Variants in GRM3 observed in about 807,000 individuals in gnomAD.
GRM3 encodes the protein glutamate metabotropic receptor 3, also known as metabotropic glutamate receptor 3.
A neutral mutation model predicts 70.5 loss-of-function variants in GRM3; 26 were observed. The observed-to-expected ratio is 0.37, with a 90% CI of 0.27 to 0.51. The LOEUF (loss-of-function observed/expected upper bound fraction) is 0.51. Ranked by LOEUF, GRM3 falls within the 20% of genes least tolerant of loss-of-function variation. The pLI, the probability that GRM3 is intolerant of heterozygous loss-of-function variation, is 0.93. For synonymous variants in GRM3, 443 were observed against 434.9 expected (o/e 1.02, Z -0.23); for missense variants, 859 against 1,123.8 (o/e 0.76, Z 3.37).
intron 4 of GRM3, among the ~76,000 whole-genome samples, chr7:86,845,828 A>G (rs1240805723): frequency 6.6e-6 from 1 of 152,172 alleles, no homozygotes; most frequent in African/African-American, 2.4e-5. Flanking sequence ...AAATTATGAA[A>G]TAAGATCATC....
At chr7:86,787,609 C>G (rs1797292184) in intron 3 of GRM3, among the ~76,000 whole-genome samples, 1 of 152,052 alleles carries the variant, frequency 6.6e-6, no homozygotes, top group African/African-American at 2.4e-5. Context: ...TAATTAGGGG[C>G]AAAACAGAAA....
intron 3 of GRM3, among the ~76,000 whole-genome samples, chr7:86,810,980 G>C (rs1432481915): frequency 6.6e-6 from 1 of 151,716 alleles, no homozygotes; most frequent in Non-Finnish European, 1.5e-5. Flanking sequence ...TTCTTGACCT[G>C]GGGGACCATT....
chr7:86,785,685 ATTTTTTTT>A lies in GRM3; in HGVS notation c.469-550_469-543del, dbSNP rs749456155. On this transcript the variant is annotated intron_variant, in intron 2 of 5. Transcript: ENST00000361669. ...TTGGGTGGTGGACTAAATAGAATTG[ATTTTTTTT>A]TTTTTTTTTTTTTTTTTTTTTTTTT... Among the ~76,000 whole-genome samples, 139 of 65,216 alleles carry A rather than the reference ATTTTTTTT, an allele frequency of 2.1e-3. 4 individuals are homozygous for A. Among genetic ancestry groups the A allele is most frequent in the East Asian group, 3.9e-3 (6 of 1,532 alleles). 42.8% of individuals were successfully genotyped at this position (65,216 alleles called of 152,430 possible). A position where few individuals can be genotyped will look rare whatever the true frequency, so the allele number is the denominator to read the frequency against.
chr7:86,822,096 A>T (rs1386475315), intron 3 of GRM3, among the ~76,000 whole-genome samples: 1 of 152,172 alleles, frequency 6.6e-6, no homozygotes, highest in Non-Finnish European at 1.5e-5. Context: ...CAGTGGCACC[A>T]GATCTTTCTC....
At chr7:86,817,775 A>G (rs2116675632) in intron 3 of GRM3, among the ~76,000 whole-genome samples, 1 of 152,132 alleles carries the variant, frequency 6.6e-6, no homozygotes, top group East Asian at 1.9e-4. Context: ...GAAAGGTTTC[A>G]GCTCTGCCTT....
At chr7:86,775,208 G>A (rs1316964154) in intron 2 of GRM3, 1 of 151,992 alleles carries the variant, frequency 6.6e-6, no homozygotes, top group Non-Finnish European at 1.5e-5. Context: ...CTTTCCTAGA[G>A]ACCTTTCTCC....
Position 86,786,534 on chromosome 7 carries a change from G to A in GRM3, c.742G>A (p.Gly248Ser). The stretch of plus-strand genomic sequence containing the variant: ...CTGCATCGCTACGGCGGAGAAGGTG[G>A]GCCGCTCCAACATCCGCAAGTCCTA... ...NICIATAEKV[G>S]RSNIRKSYDS... Residue 248 changes from glycine (G) to serine (S), a missense_variant, in exon 3 of 6, where the codon GGC becomes AGC. By Grantham distance (56) the Gly-to-Ser change is moderately conservative. Transcript: ENST00000361669. The surrounding 1 kb of genome is among the most constrained non-coding windows in gnomAD (Gnocchi z 6.0). The A allele has an allele frequency of 1.9e-6, 3 of 1,614,072 alleles. No homozygotes were observed. The highest frequency in any genetic ancestry group is 2.5e-6 in the Non-Finnish European group (3 of 1,180,038).
chr7:86,731,103 G>C (rs918660445), intron 1 of GRM3, among the ~76,000 whole-genome samples: 1 of 147,056 alleles, frequency 6.8e-6, no homozygotes, highest in African/African-American at 2.7e-5. Context: ...CAATCATTAC[G>C]ACAAGCTTGA....
rs1412607706 is a variant in GRM3 at position 86,648,848 on chromosome 7, A to G, written c.-141+3976A>G. On this transcript the variant is annotated intron_variant, in intron 1 of 5. Transcript: ENST00000361669. Reference sequence around the variant, plus strand: ...AATATCTTGGTAGACTCACCATCCCACTCAATTGTTTCTCCAAGTTCCAGG... The same window carrying G: ...AATATCTTGGTAGACTCACCATCCCGCTCAATTGTTTCTCCAAGTTCCAGG... Among the ~76,000 whole-genome samples, 3 of 152,086 alleles carry G rather than the reference A, an allele frequency of 2.0e-5. No individual in the cohort carries two copies. The East Asian group carries it at 5.8e-4, about 29-fold the overall frequency.
chr7:86,751,438 C>T (rs1796228681), intron 1 of GRM3, among the ~76,000 whole-genome samples: 1 of 152,072 alleles, frequency 6.6e-6, no homozygotes, highest in South Asian at 2.1e-4. Context: ...TAGAACCTAC[C>T]ACAGGGCCTG....
chr7:86,697,466 C>T lies in GRM3; in HGVS notation c.-141+52594C>T, dbSNP rs374772548. On this transcript the variant is annotated intron_variant, in intron 1 of 5. Transcript: ENST00000361669. ...CAGGGAGTGTTCAGACCTGGTTTGTCGGAGGATGGAAAAGACTTTGTTCCT... is the reference window on the plus strand; with the variant it reads ...CAGGGAGTGTTCAGACCTGGTTTGTTGGAGGATGGAAAAGACTTTGTTCCT... 1.3e-4 allele frequency among the ~76,000 whole-genome samples: 20 copies of T among 151,992 alleles called. No homozygotes were observed. In the East Asian group the frequency reaches 2.5e-3, roughly 19 times the overall value.
intron 1 of GRM3, among the ~76,000 whole-genome samples, chr7:86,746,630 G>A (rs1304965555): frequency 2.0e-5 from 3 of 151,828 alleles, no homozygotes; most frequent in African/African-American, 7.3e-5. Context: ...CATCACCTCT[G>A]TCTCACCTTT....
At chr7:86,755,170 C>T (rs938471584) in intron 1 of GRM3, among the ~76,000 whole-genome samples, 8 of 151,364 alleles carry the variant, frequency 5.3e-5, no homozygotes, top group Non-Finnish European at 8.8e-5. Flanking sequence ...CATTGGTTCC[C>T]GAAGGAAAAC....
intron 1 of GRM3, among the ~76,000 whole-genome samples, chr7:86,751,736 A>G (rs531361096): frequency 3.3e-5 from 5 of 152,150 alleles, no homozygotes; most frequent in African/African-American, 1.2e-4. Context: ...TACAGAAAGG[A>G]TAACAAAGTG....
Position 86,850,429 on chromosome 7 carries a change from T to C in GRM3, c.2451T>C (p.Cys817=). The change falls in exon 5 of 6, where the codon TGT becomes TGC. Residue 817 remains cysteine (C), a synonymous_variant. Coordinates refer to ENST00000361669, the MANE Select transcript of GRM3 (RefSeq NM_000840.3). Reference sequence around the variant, plus strand: ...TGAGTGGCTTTGTGGTCTTGGGCTGTTTGTTTGCACCCAAGGTTCACATCA... The same window carrying C: ...TGAGTGGCTTTGTGGTCTTGGGCTGCTTGTTTGCACCCAAGGTTCACATCA... The part of the protein sequence containing the change: ...VSLSGFVVLG[C]LFAPKVHIIL... The C allele has an allele frequency of 6.2e-7, 1 of 1,612,676 alleles. No homozygotes were observed. The highest frequency in any genetic ancestry group is 8.5e-7 in the Non-Finnish European group (1 of 1,178,890).
chr7:86,715,519 T>C (rs1031115229), intron 1 of GRM3, among the ~76,000 whole-genome samples: 1 of 152,004 alleles, frequency 6.6e-6, no homozygotes, highest in African/African-American at 2.4e-5. Flanking sequence ...TCATTACAAG[T>C]CTATCTCCCT....
intron 1 of GRM3, among the ~76,000 whole-genome samples, chr7:86,662,313 C>T (rs142327961): frequency 1.3e-5 from 2 of 151,682 alleles, no homozygotes; most frequent in East Asian, 1.9e-4. Context: ...AAAGCCATGT[C>T]CTGGTCATTT....
At chr7:86,734,594 G>T (rs570563761) in intron 1 of GRM3, among the ~76,000 whole-genome samples, 1 of 152,186 alleles carries the variant, frequency 6.6e-6, no homozygotes, top group East Asian at 1.9e-4. Flanking sequence ...TGTCACACAG[G>T]AAGTCTCTCA....
chr7:86,647,203 TC>T (rs1793494893), intron 1 of GRM3, among the ~76,000 whole-genome samples: 1 of 152,198 alleles, frequency 6.6e-6, no homozygotes, highest in Non-Finnish European at 1.5e-5. Context: ...TTTTACAACT[TC>T]CCTGGGTACA....
Sources: allele counts gnomAD v4.1 joint callset (sites outside exome capture counted in the v4.1 genomes callset), GRCh38; gene constraint gnomAD v4.1.1; non-coding constraint Gnocchi (gnomAD v3.1); transcripts MANE v1.5; gene names NCBI Gene and HGNC (gene_info 2026-07-23, HGNC 2026-07-21).